Variants in EDA observed in about 807,000 individuals in gnomAD.
EDA encodes ectodysplasin-A.
Under a neutral mutation model 23.6 loss-of-function variants are expected in EDA, and 2 were observed. The ratio of observed to expected loss-of-function variants is 0.08; its 90% CI spans 0.03 to 0.27. The LOEUF is 0.27. EDA is among the 10% of genes least tolerant of loss of function. The pLI is 1.00. For synonymous variants in EDA, 131 were observed against 132.0 expected (o/e 0.99, Z 0.05); for missense variants, 229 against 324.2 (o/e 0.71, Z 2.26).
At chrX:69,921,842 G>T (rs182667598) in intron 1 of EDA, among the ~76,000 whole-genome samples, 24 of 110,309 alleles carry the variant, frequency 2.2e-4, no homozygotes, top group Admixed American at 1.9e-3. Context: ...TTACTTTTTG[G>T]CCTGTAAAAT....
intron 1 of EDA, among the ~76,000 whole-genome samples, chrX:69,719,754 T>G (rs1348458693): frequency 2.7e-5 from 3 of 109,407 alleles, no homozygotes; most frequent in Non-Finnish European, 5.7e-5. Flanking sequence ...CACATTTTCT[T>G]TCTTTTTTTT....
intron 1 of EDA, among the ~76,000 whole-genome samples, chrX:69,785,722 A>G (rs1470812996): frequency 3.7e-5 from 4 of 106,755 alleles, no homozygotes; most frequent in East Asian, 2.8e-4. Context: ...TTTTTGCATC[A>G]ATGTTCATCA....
At chrX:69,777,590 G>A (rs901438701) in intron 1 of EDA, among the ~76,000 whole-genome samples, 9 of 110,818 alleles carry the variant, frequency 8.1e-5, no homozygotes, top group Non-Finnish European at 1.5e-4. Flanking sequence ...TCATCTGACT[G>A]TATCCTTTTC....
chrX:69,791,850 G>A (rs2015413371), intron 1 of EDA, among the ~76,000 whole-genome samples: 1 of 111,688 alleles, frequency 9.0e-6, no homozygotes, highest in African/African-American at 3.3e-5. Flanking sequence ...CTCCATGTTG[G>A]TCAGGCTGGT....
At chrX:69,723,439 T>G (rs998734866) in intron 1 of EDA, among the ~76,000 whole-genome samples, 2 of 112,069 alleles carry the variant, frequency 1.8e-5, no homozygotes, top group Non-Finnish European at 3.8e-5. Context: ...AAATGAAGTT[T>G]ATGAGTCACT....
chrX:69,998,604 CA>C (rs1417793052), intron 2 of EDA, among the ~76,000 whole-genome samples: 2 of 111,590 alleles, frequency 1.8e-5, no homozygotes, highest in Middle Eastern at 4.2e-3. Context: ...TGGGAGGGAT[CA>C]GGGGCAGAAT....
intron 2 of EDA, among the ~76,000 whole-genome samples, chrX:69,982,447 T>C (rs1374869825): frequency 3.6e-5 from 4 of 111,302 alleles, no homozygotes; most frequent in African/African-American, 9.8e-5. Flanking sequence ...TCCAGTGAAA[T>C]TGGGAAAGGC....
chrX:69,663,930 G>A (rs200103813), intron 1 of EDA, among the ~76,000 whole-genome samples: 3 of 112,222 alleles, frequency 2.7e-5, no homozygotes, highest in East Asian at 5.6e-4. Context: ...AAGCCCCTTC[G>A]TTTTGGCCAT....
chrX:70,030,431 C>T (rs1426515623), intron 5 of EDA, 38 bp from the exon 6 acceptor site: 3 of 1,146,893 alleles, frequency 2.6e-6, no homozygotes, highest in Admixed American at 4.5e-5. Context: ...GCAGCCATTA[C>T]TCATAGTGAC....
intron 1 of EDA, among the ~76,000 whole-genome samples, chrX:69,762,898 A>C (rs1251585352): frequency 8.9e-6 from 1 of 112,302 alleles, no homozygotes; most frequent in Non-Finnish European, 1.9e-5. Flanking sequence ...TTCTCTGCAC[A>C]GGTAGTTTGG....
chrX:69,968,983 C>T (rs2019211839), intron 2 of EDA, among the ~76,000 whole-genome samples: 1 of 112,357 alleles, frequency 8.9e-6, no homozygotes, highest in Non-Finnish European at 1.9e-5. Flanking sequence ...CAGCATGTAG[C>T]TCCTTTAATG....
At chrX:69,908,718 G>GA (rs1224416702) in intron 1 of EDA, among the ~76,000 whole-genome samples, 1 of 109,395 alleles carries the variant, frequency 9.1e-6, no homozygotes, top group African/African-American at 3.3e-5. Context: ...TTAAATATTA[G>GA]AAAAAATGGT....
chrX:69,649,240 T>A (rs1933024180), intron 1 of EDA, among the ~76,000 whole-genome samples: 1 of 111,848 alleles, frequency 8.9e-6, no homozygotes, highest in Admixed American at 9.5e-5. Flanking sequence ...TGAAATAGAG[T>A]GTTAGCTAAT....
At chrX:69,907,404 T>C (rs761922775) in intron 1 of EDA, among the ~76,000 whole-genome samples, 10 of 111,312 alleles carry the variant, frequency 9.0e-5, no homozygotes, top group African/African-American at 2.6e-4. Flanking sequence ...GAGAAGCATA[T>C]GTATTTTGAA....
intron 1 of EDA, among the ~76,000 whole-genome samples, chrX:69,659,665 T>A (rs1369239395): frequency 8.9e-6 from 1 of 111,980 alleles, no homozygotes; most frequent in Non-Finnish European, 1.9e-5. Context: ...TACAGTAAAT[T>A]TTACCAAAAA....
At chrX:69,811,790 T>A (rs1439438877) in intron 1 of EDA, among the ~76,000 whole-genome samples, 1 of 112,161 alleles carries the variant, frequency 8.9e-6, no homozygotes. Context: ...ATGGCTTCAG[T>A]GAAGAGAATG....
At chrX:69,949,978 A>G (rs1469571399) in intron 1 of EDA, among the ~76,000 whole-genome samples, 1 of 104,905 alleles carries the variant, frequency 9.5e-6, no homozygotes, top group African/African-American at 3.5e-5. Flanking sequence ...ACCTAAAACC[A>G]TAAAAACCCT....
rs532904229 is a variant in EDA at position 70,022,632 on chromosome X, G to A, written c.503-586G>A. Among the ~76,000 whole-genome samples, 9 of 110,948 alleles carry A rather than the reference G, an allele frequency of 8.1e-5. No homozygotes were observed. In the South Asian group the frequency reaches 1.5e-3, roughly 19 times the overall value. ...ATTACAGGTGTGAGCCACCACCCCC[G>A]GCCGACATTTCTTTTAAAGTGTCCA... On this transcript the variant is annotated intron_variant, in intron 2 of 7. Transcript: ENST00000374552.
chrX:69,948,274 A>G (rs1414165228), intron 1 of EDA, among the ~76,000 whole-genome samples: 1 of 111,943 alleles, frequency 8.9e-6, no homozygotes, highest in Non-Finnish European at 1.9e-5. Context: ...AGTTACTTGC[A>G]TTGTTGGGCA....
Sources: allele counts gnomAD v4.1 joint callset (sites outside exome capture counted in the v4.1 genomes callset), GRCh38; gene constraint gnomAD v4.1.1; transcripts MANE v1.5; gene names NCBI Gene and HGNC (gene_info 2026-07-23, HGNC 2026-07-21).